Variants in SELP observed in about 807,000 individuals in gnomAD.
The protein encoded by SELP is selectin P, also known as P-selectin.
A neutral mutation model predicts 104.1 loss-of-function variants in SELP; 92 were observed. The ratio of observed to expected loss-of-function variants is 0.88; its 90% confidence interval spans 0.75 to 1.05. The LOEUF is 1.05. Among genes scored for constraint, SELP ranks in the 50% least tolerant of loss-of-function variants. SELP has a pLI of 0.00. For synonymous variants in SELP, 397 were observed against 364.5 expected, an observed-to-expected ratio of 1.09 and a Z score of -1.01; for missense variants, 1,022 against 1,017.3, an observed-to-expected ratio of 1.00 and a Z score of -0.06.
chr1:169,594,551 G>A (rs1661499856), intron 13 of SELP, 141 bp downstream of exon 13: 1 of 747,820 alleles, frequency 1.3e-6, no homozygotes, highest in Admixed American at 2.9e-5. Context: ...GATTCTGCCT[G>A]ATTCATTGTG....
intron 14 of SELP, among the ~76,000 whole-genome samples, chr1:169,593,036 A>G (rs1420065109): frequency 6.6e-6 from 1 of 152,192 alleles, no homozygotes; most frequent in Non-Finnish European, 1.5e-5. Flanking sequence ...TGGTTTAGGC[A>G]TCCCTAGTCT....
At chr1:169,620,077 G>T (rs1209179468) in intron 1 of SELP, among the ~76,000 whole-genome samples, 1 of 151,982 alleles carries the variant, frequency 6.6e-6, no homozygotes, top group Non-Finnish European at 1.5e-5. Context: ...GTGTGGTGGC[G>T]GGTGCTTGTA....
chr1:169,610,617 T>G lies in SELP; in HGVS notation c.1147+875A>C, dbSNP rs369701787. 1.1e-4 allele frequency among the ~76,000 whole-genome samples: 16 copies of G among 152,124 alleles called. No individual in the cohort carries two copies. In the East Asian group the frequency reaches 3.1e-3, roughly 29 times the overall value. On this transcript the variant is annotated intron_variant, in intron 7 of 16. Transcript: ENST00000263686. ...TTTGAGACCAGCCTGGCCAAAGTGGTGAAACCCTAGTCTCTATTAAAAATA... is the reference window on the plus strand; with the variant it reads ...TTTGAGACCAGCCTGGCCAAAGTGGGGAAACCCTAGTCTCTATTAAAAATA...
Position 169,590,189 on chromosome 1 carries a change from A to G in SELP, c.2452T>C (p.Tyr818His). ...AATGCAGCGTTTGTAAAAACTCCAT[A>G]TGTTCCTAGGTGGCTAAAGAACAGA... ...PLNPHSHLGT[Y>H]GVFTNAAFDP... The change falls in exon 16 of 17, where the codon TAT (tyrosine) becomes CAT (histidine). Residue 818 changes from tyrosine to histidine, a missense_variant. Physicochemically the swap from Tyr to His is moderately conservative, Grantham distance 83 (BLOSUM62 2). Coordinates refer to ENST00000263686, the MANE Select transcript of SELP (RefSeq NM_003005.4). The G allele has an allele frequency of 6.2e-7, 1 of 1,613,056 alleles. No homozygotes were observed. The highest frequency in any genetic ancestry group is 1.1e-5 in the South Asian group (1 of 91,058).
chr1:169,617,975 C>A (rs1406965330), intron 2 of SELP, among the ~76,000 whole-genome samples: 6 of 152,188 alleles, frequency 3.9e-5, no homozygotes, highest in Non-Finnish European at 5.9e-5. Context: ...AAACTTTACT[C>A]CACCTATTCT....
intron 1 of SELP, among the ~76,000 whole-genome samples, chr1:169,621,570 G>A (rs1663139542): frequency 6.6e-6 from 1 of 152,190 alleles, no homozygotes; most frequent in East Asian, 1.9e-4. Flanking sequence ...GTGTGCATGT[G>A]TTCATGCACT....
At chr1:169,617,454 AC>A in intron 2 of SELP, 40 bp from the exon 3 acceptor site, 1 of 1,582,678 alleles carries the variant, frequency 6.3e-7, no homozygotes, top group African/African-American at 1.4e-5. Flanking sequence ...AGTACCCCTC[AC>A]CAAAAAAGAG....
chr1:169,609,791 T>C (rs529162086), intron 7 of SELP, 102 bp from the exon 8 acceptor site: 3 of 1,128,022 alleles, frequency 2.7e-6, no homozygotes, highest in African/African-American at 1.6e-5. Context: ...ACATTTTCAG[T>C]GTGTTCAGAA....
intron 1 of SELP, among the ~76,000 whole-genome samples, chr1:169,628,568 T>TA (rs1663489246): frequency 6.6e-6 from 1 of 152,204 alleles, no homozygotes; most frequent in Non-Finnish European, 1.5e-5. Flanking sequence ...GAAGGGTTCT[T>TA]ACCCTGGGAT....
At position 169,590,787 on chromosome 1, in the gene SELP, C is replaced by T. The variant is rs571567315; in HGVS notation, c.2439-585G>A. ...AAATACCCTTGGGGGCATACTGTCC[C>T]TTTTTGAAAACTATTGCTAGATTAT... On this transcript the variant is annotated intron_variant, in intron 15 of 16. Transcript: ENST00000263686. 4.6e-5 allele frequency among the ~76,000 whole-genome samples: 7 copies of T among 151,756 alleles called. No individual in the cohort carries two copies. The East Asian group carries it at 9.6e-4, about 21-fold the overall frequency.
intron 7 of SELP, among the ~76,000 whole-genome samples, 187 bp from the exon 8 acceptor site, chr1:169,609,876 T>C (rs562363407): frequency 2.0e-5 from 3 of 152,272 alleles, no homozygotes; most frequent in Admixed American, 1.3e-4. Context: ...TGACTCACTC[T>C]CACCTGCCCT....
intron 2 of SELP, among the ~76,000 whole-genome samples, chr1:169,618,244 C>T (rs1212487475): frequency 1.3e-5 from 2 of 152,144 alleles, no homozygotes; most frequent in Admixed American, 6.5e-5. Context: ...TGGCAGAACC[C>T]GGGTGGGAAA....
rs3917778 is a variant in SELP at position 169,601,663 on chromosome 1, G to A, written c.1705+1363C>T. Among the ~76,000 whole-genome samples, 591 of 152,312 alleles carry A rather than the reference G, an allele frequency of 3.9e-3. 7 individuals are homozygous for A. The highest frequency in any genetic ancestry group is 0.013 in the African/African-American group (558 of 41,582). ...TCAGAAGCTCTGCCACTGGGTGATA[G>A]TGTAGTTCAGTGGTCAAAACACTAG... On this transcript the variant is annotated intron_variant, in intron 10 of 16. Coordinates refer to ENST00000263686, the MANE Select transcript of SELP (RefSeq NM_003005.4).
intron 1 of SELP, 145 bp downstream of exon 1, chr1:169,629,927 T>C: frequency 9.7e-7 from 1 of 1,029,548 alleles, no homozygotes; most frequent in Non-Finnish European, 1.5e-6. Flanking sequence ...AGTTTAAAAG[T>C]ACTCACAAAA....
At chr1:169,613,727 A>G (rs1246099749) in intron 3 of SELP, 34 bp from the exon 4 acceptor site, 9 of 1,567,200 alleles carry the variant, frequency 5.7e-6, no homozygotes, top group African/African-American at 1.4e-5. Flanking sequence ...AGTCATGGAC[A>G]TTCACAGATG....
At chr1:169,614,556 T>C (rs1039856074) in intron 3 of SELP, among the ~76,000 whole-genome samples, 1 of 152,208 alleles carries the variant, frequency 6.6e-6, no homozygotes, top group East Asian at 1.9e-4. Flanking sequence ...TGGGGGTAAG[T>C]TCTATGGCTG....
At position 169,596,133 on chromosome 1, in the gene SELP, G is replaced by T; in HGVS notation, c.1893C>A (p.Gly631=). The change falls in exon 12 of 17, where the codon GGC becomes GGA. Residue 631 remains glycine (G), a splice_region_variant and synonymous_variant. Coordinates refer to ENST00000263686, the MANE Select transcript of SELP (RefSeq NM_003005.4). ...CCCCTGGAGTAGGAAGTGATGCTAT[G>T]CCTGTTGTGAGAAAATGTTTCCATT... The part of the protein sequence containing the change: ...RWSATPPTCK[G]IASLPTPGVQ... The T allele has an allele frequency of 6.2e-7, 1 of 1,613,230 alleles. No homozygotes were observed. The highest frequency in any genetic ancestry group is 8.5e-7 in the Non-Finnish European group (1 of 1,179,430).
In SELP at chr1:169,603,227, C is replaced by T. The variant is rs1662002789; in HGVS notation, c.1520-16G>A. On this transcript the variant is annotated splice_polypyrimidine_tract_variant and intron_variant, in intron 9 of 16. Coordinates refer to ENST00000263686, the MANE Select transcript of SELP (RefSeq NM_003005.4). ...CAGGGAATGGCTATCATGGGCATGG[C>T]AGAGGAGAAAAGAAGAGATCATTTT... 2 of 1,601,108 alleles carry T rather than the reference C, an allele frequency of 1.2e-6. No individual in the cohort carries two copies. Among genetic ancestry groups the T allele is most frequent in the African/African-American group, 2.7e-5 (2 of 74,534 alleles).
chr1:169,611,352 C>A (rs1662520438), intron 7 of SELP, 140 bp downstream of exon 7: 2 of 784,058 alleles, frequency 2.6e-6, no homozygotes, highest in Non-Finnish European at 2.0e-6. Flanking sequence ...GATGAGAAAA[C>A]CATGGTTCCT....
Sources: allele counts gnomAD v4.1 joint callset (sites outside exome capture counted in the v4.1 genomes callset), GRCh38; gene constraint gnomAD v4.1.1; transcripts MANE v1.5; gene names NCBI Gene and HGNC (gene_info 2026-07-23, HGNC 2026-07-21).